MTUS1: variants seen among roughly 807,000 people sequenced by gnomAD.
MTUS1 encodes microtubule-associated tumor suppressor 1.
Under a neutral mutation model 120.8 loss-of-function variants are expected in MTUS1, and 109 were observed. The observed-to-expected ratio is 0.90, with a 90% CI of 0.77 to 1.06. The LOEUF (loss-of-function observed/expected upper bound fraction) is 1.06. MTUS1 is among the 50% of genes least tolerant of loss of function. MTUS1 has a pLI of 0.00. For missense variants in MTUS1, 2,210 were observed against 1,486.3 expected (o/e 1.49, Z -8.01); for synonymous variants, 737 against 550.5 (o/e 1.34, Z -4.74).
intron 6 of MTUS1, among the ~76,000 whole-genome samples, chr8:17,689,776 C>T (rs2130817323): frequency 6.6e-6 from 1 of 152,204 alleles, no homozygotes; most frequent in East Asian, 1.9e-4. Flanking sequence ...AGCAAAAATA[C>T]ATACAATGGG....
chr8:17,760,344 T>C (rs183978924), intron 1 of MTUS1, among the ~76,000 whole-genome samples: 3 of 152,354 alleles, frequency 2.0e-5, no homozygotes, highest in Admixed American at 1.3e-4. Context: ...ACATCTCTTC[T>C]ACTTTGTAGA....
At chr8:17,783,701 G>T (rs557657060) in intron 1 of MTUS1, among the ~76,000 whole-genome samples, 22 of 152,214 alleles carry the variant, frequency 1.4e-4, no homozygotes, top group Admixed American at 9.8e-4. Flanking sequence ...ACAGCCTATT[G>T]GTGACAGCCT....
chr8:17,794,125 C>T (rs905561562), intron 1 of MTUS1, among the ~76,000 whole-genome samples: 2 of 151,966 alleles, frequency 1.3e-5, no homozygotes, highest in Non-Finnish European at 2.9e-5. Context: ...GTCAGGAGTT[C>T]GAGACCAGCC....
chr8:17,727,686 T>G (rs1463580584), intron 3 of MTUS1, among the ~76,000 whole-genome samples: 1 of 152,190 alleles, frequency 6.6e-6, no homozygotes. Flanking sequence ...AAGGTGACAT[T>G]TACCAGGTCA....
At chr8:17,664,984 C>T (rs1181905402) in intron 8 of MTUS1, among the ~76,000 whole-genome samples, 2 of 152,154 alleles carry the variant, frequency 1.3e-5, no homozygotes, top group African/African-American at 4.8e-5. Context: ...CCTCCGTGTC[C>T]TGATATGGAA....
chr8:17,743,023 C>G (rs79592234), intron 3 of MTUS1, among the ~76,000 whole-genome samples: 2 of 151,196 alleles, frequency 1.3e-5, no homozygotes, highest in Non-Finnish European at 2.9e-5. Context: ...CAGATCTGTA[C>G]GTCCGCCAAA....
intron 1 of MTUS1, among the ~76,000 whole-genome samples, chr8:17,757,605 C>A (rs759232627): frequency 1.3e-5 from 2 of 152,214 alleles, no homozygotes; most frequent in Non-Finnish European, 2.9e-5. Context: ...CGGCTCACTG[C>A]AACCTCCACC....
At chr8:17,663,024 C>T (rs1810104990) in intron 8 of MTUS1, among the ~76,000 whole-genome samples, 1 of 151,994 alleles carries the variant, frequency 6.6e-6, no homozygotes, top group South Asian at 2.1e-4. Flanking sequence ...GGCCAGTGAC[C>T]CTCCCTGACA....
chr8:17,724,281 A>T (rs1012712245), intron 3 of MTUS1: 3 of 228,060 alleles, frequency 1.3e-5, no homozygotes, highest in Admixed American at 1.2e-4. Flanking sequence ...GTCCAAATAC[A>T]TCTTTGGAAT....
At chr8:17,763,663 C>T (rs62498364) in intron 1 of MTUS1, among the ~76,000 whole-genome samples, 9,450 of 152,194 alleles carry the variant, frequency 0.062, 408 homozygotes, top group Middle Eastern at 0.096. Flanking sequence ...ACTAAGGCAA[C>T]AGGATTAACA....
chr8:17,729,984 CAAA>C (rs36018422), intron 3 of MTUS1, among the ~76,000 whole-genome samples: 6,784 of 85,842 alleles, frequency 0.079, 168 homozygotes, highest in East Asian at 0.21. Context: ...ATGCTATCAT[CAAA>C]AAAAAAAAAA....
At chr8:17,747,385 T>TC (rs963110331) in intron 2 of MTUS1, among the ~76,000 whole-genome samples, 2 of 152,014 alleles carry the variant, frequency 1.3e-5, no homozygotes, top group African/African-American at 2.4e-5. Flanking sequence ...CACATCTTGT[T>TC]CCCCCTCCTG....
In MTUS1 at chr8:17,776,678, CAAAAAAAAAAAA is replaced by C. The variant is rs71215272; in HGVS notation, c.-154-20729_-154-20718del. 4.5e-3 allele frequency among the ~76,000 whole-genome samples: 251 copies of C among 55,208 alleles called. 2 individuals carry two copies. The highest frequency in any genetic ancestry group is 0.016 in the African/African-American group (239 of 14,548). 36.2% of individuals were successfully genotyped at this position (55,208 alleles called of 152,430 possible). ...TGGGTGACTGAGTGAGACTCTGTCT[CAAAAAAAAAAAA>C]AAAAAAAAAAAAAAAAATCTCAGAT... On this transcript the variant is annotated intron_variant, in intron 1 of 14. Transcript: ENST00000693296.
intron 1 of MTUS1, among the ~76,000 whole-genome samples, chr8:17,768,873 A>C (rs1047483382): frequency 6.6e-6 from 1 of 152,198 alleles, no homozygotes; most frequent in African/African-American, 2.4e-5. Flanking sequence ...ACACCAATAA[A>C]GATTAAACAA....
At chr8:17,723,298 CAA>C in intron 4 of MTUS1, 1 of 271,892 alleles carries the variant, frequency 3.7e-6, no homozygotes, top group South Asian at 4.0e-5. Context: ...TCCTATTACA[CAA>C]AATCTAGCAT....
In MTUS1 at chr8:17,751,899, G is replaced by GA. The variant is rs1271370117; in HGVS notation, c.2091+1817dup. On this transcript the variant is annotated intron_variant, in intron 2 of 14. Coordinates refer to ENST00000693296, the MANE Select transcript of MTUS1 (RefSeq NM_001363059.2). ...AAAAAAAAAAAAAGAAAGCAAAAAAGAAAAAAGAGTCCCTTATGCCAGTTG... is the reference window on the plus strand; with the variant it reads ...AAAAAAAAAAAAAGAAAGCAAAAAAGAAAAAAAGAGTCCCTTATGCCAGTTG... Among the ~76,000 whole-genome samples, 280 of 118,140 alleles carry GA rather than the reference G, an allele frequency of 2.4e-3. 1 individual carries two copies. The highest frequency in any genetic ancestry group is 7.8e-3 in the African/African-American group (264 of 33,768). 77.5% of individuals were successfully genotyped at this position (118,140 alleles called of 152,430 possible). A position where few individuals can be genotyped will look rare whatever the true frequency, so the allele number is the denominator to read the frequency against.
At chr8:17,744,095 A>C (rs2047545536) in intron 2 of MTUS1, among the ~76,000 whole-genome samples, 2 of 152,322 alleles carry the variant, frequency 1.3e-5, no homozygotes, top group Admixed American at 1.3e-4. Context: ...CATGACAGAC[A>C]GCAAGCCCTG....
chr8:17,684,614 A>G (rs576925789), intron 6 of MTUS1, 72 bp from the exon 7 acceptor site: 3 of 1,209,824 alleles, frequency 2.5e-6, no homozygotes, highest in Admixed American at 1.7e-5. Flanking sequence ...CAAGGATTCA[A>G]AAACAACCAG....
intron 6 of MTUS1, among the ~76,000 whole-genome samples, chr8:17,698,521 G>C (rs1210154890): frequency 1.3e-5 from 2 of 152,100 alleles, no homozygotes; most frequent in African/African-American, 4.8e-5. Flanking sequence ...ACAAAACAAT[G>C]TTTTAAAAAT....
Sources: allele counts gnomAD v4.1 joint callset (sites outside exome capture counted in the v4.1 genomes callset), GRCh38; gene constraint gnomAD v4.1.1; transcripts MANE v1.5; gene names NCBI Gene and HGNC (gene_info 2026-07-23, HGNC 2026-07-21).